ADGRL3: variants seen among roughly 807,000 people sequenced by gnomAD.
ADGRL3 encodes adhesion G protein-coupled receptor L3, also known as calcium-independent alpha-latrotoxin receptor 3.
ADGRL3 carries 62 observed loss-of-function variants against 153.5 expected under a neutral mutation model. That is an observed-to-expected ratio of 0.40 (90% CI 0.33 to 0.50). The LOEUF (loss-of-function observed/expected upper bound fraction) is 0.50. Among genes scored for constraint, ADGRL3 ranks in the 20% least tolerant of loss-of-function variants. ADGRL3 has a pLI of 0.47. For missense variants in ADGRL3, 1,641 were observed against 1,859.4 expected (o/e 0.88, Z 2.16); for synonymous variants, 710 against 672.5 (o/e 1.06, Z -0.86).
At chr4:61,753,503 A>G (rs1456898893) in intron 8 of ADGRL3, among the ~76,000 whole-genome samples, 2 of 152,178 alleles carry the variant, frequency 1.3e-5, no homozygotes, top group African/African-American at 4.8e-5. Context: ...ATTCCTAACA[A>G]GAACCTGAGC....
intron 1 of ADGRL3, among the ~76,000 whole-genome samples, chr4:61,217,523 T>C (rs1165626726): frequency 6.6e-6 from 1 of 152,208 alleles, no homozygotes; most frequent in Non-Finnish European, 1.5e-5. Flanking sequence ...GTTTTCCTTT[T>C]ACAGAGAAAG....
At chr4:61,358,255 T>A (rs2096214312) in intron 1 of ADGRL3, among the ~76,000 whole-genome samples, 1 of 152,164 alleles carries the variant, frequency 6.6e-6, no homozygotes, top group Admixed American at 6.5e-5. Context: ...GTAAGTTGTA[T>A]CATGTTATTT....
At chr4:61,940,006 T>C (rs1206936583) in intron 15 of ADGRL3, among the ~76,000 whole-genome samples, 5 of 148,324 alleles carry the variant, frequency 3.4e-5, no homozygotes, top group Non-Finnish European at 7.4e-5. Context: ...TGTATACATG[T>C]GCCATGCTGG....
chr4:61,858,602 C>T (rs1299646453), intron 9 of ADGRL3, among the ~76,000 whole-genome samples: 1 of 152,180 alleles, frequency 6.6e-6, no homozygotes, highest in Non-Finnish European at 1.5e-5. Flanking sequence ...TCCTGGGACA[C>T]AGATGGAGAC....
At chr4:61,432,654 CTTT>C (rs375176904) in intron 2 of ADGRL3, among the ~76,000 whole-genome samples, 2 of 19,698 alleles carry the variant, frequency 1.0e-4, no homozygotes, top group African/African-American at 1.9e-4. Context: ...TTCTTTCTTT[CTTT>C]TTTTTTTTTT....
chr4:61,352,684 C>T (rs2096074176), intron 1 of ADGRL3, among the ~76,000 whole-genome samples: 1 of 152,102 alleles, frequency 6.6e-6, no homozygotes, highest in East Asian at 1.9e-4. Flanking sequence ...TGTGCCCGGC[C>T]AAAACATAAC....
At chr4:61,629,099 T>C (rs1169663214) in intron 5 of ADGRL3, among the ~76,000 whole-genome samples, 1 of 152,126 alleles carries the variant, frequency 6.6e-6, no homozygotes, top group Non-Finnish European at 1.5e-5. Flanking sequence ...GGGTGAGAAT[T>C]AGTGAAATTT....
At chr4:61,777,290 G>A (rs1038975412) in intron 8 of ADGRL3, among the ~76,000 whole-genome samples, 17 of 151,514 alleles carry the variant, frequency 1.1e-4, no homozygotes, top group African/African-American at 2.7e-4. Flanking sequence ...CAGAGATCGC[G>A]CCACTGCACT....
At chr4:61,647,984 G>GTTTTACCTA (rs1447233221) in intron 5 of ADGRL3, among the ~76,000 whole-genome samples, 1 of 152,030 alleles carries the variant, frequency 6.6e-6, no homozygotes, top group Non-Finnish European at 1.5e-5. Context: ...GTGGGAAGAC[G>GTTTTACCTA]TTTTACCTAT....
At chr4:61,930,929 A>C (rs1292977912) in intron 13 of ADGRL3, among the ~76,000 whole-genome samples, 1 of 152,190 alleles carries the variant, frequency 6.6e-6, no homozygotes, top group African/African-American at 2.4e-5. Flanking sequence ...TTGTGACCAG[A>C]TGTCATAGTG....
At chr4:61,638,989 G>T (rs2093550147) in intron 5 of ADGRL3, among the ~76,000 whole-genome samples, 1 of 152,048 alleles carries the variant, frequency 6.6e-6, no homozygotes, top group Admixed American at 6.6e-5. Flanking sequence ...TGTAAGGCTT[G>T]GTGGCCTTTT....
At chr4:61,669,818 T>C (rs542143169) in intron 5 of ADGRL3, among the ~76,000 whole-genome samples, 2 of 152,312 alleles carry the variant, frequency 1.3e-5, no homozygotes, top group African/African-American at 4.8e-5. Context: ...AAAAAGTCAG[T>C]GCTTTTCAGT....
intron 4 of ADGRL3, among the ~76,000 whole-genome samples, chr4:61,529,141 A>C (rs1356520373): frequency 2.0e-5 from 3 of 152,124 alleles, no homozygotes; most frequent in Admixed American, 1.3e-4. Flanking sequence ...TGACAGTCTT[A>C]CTTGTTCCAT....
intron 5 of ADGRL3, among the ~76,000 whole-genome samples, chr4:61,653,541 A>T (rs939431411): frequency 1.3e-5 from 2 of 152,128 alleles, no homozygotes; most frequent in African/African-American, 4.8e-5. Context: ...TCCAGGGTTT[A>T]ACTAGCTTTG....
chr4:61,948,159 G>A lies in ADGRL3; in HGVS notation c.2688G>A (p.Met896Ile). Reference protein sequence around the residue: ...CSFWSYSKRTMTGYWSTQGCR... With the variant: ...CSFWSYSKRTITGYWSTQGCR... ...TTTGGAGCTACTCCAAGCGTACAAT[G>A]ACAGGTTATTGGTCAACACAAGGCT... is the stretch of plus-strand genomic sequence containing the variant. The change falls in exon 17 of 27, where the codon ATG becomes ATA. Residue 896 changes from methionine to isoleucine, a missense_variant. Transcript: ENST00000683033. 1 of 1,613,636 alleles carries A rather than the reference G, an allele frequency of 6.2e-7. No individual in the cohort carries two copies. Among genetic ancestry groups the A allele is most frequent in the Non-Finnish European group, 8.5e-7 (1 of 1,179,796 alleles).
chr4:62,003,576 T>C (rs2099147811), intron 21 of ADGRL3, among the ~76,000 whole-genome samples: 2 of 152,138 alleles, frequency 1.3e-5, no homozygotes, highest in South Asian at 2.1e-4. Context: ...AAATCACATA[T>C]GTAAAGAATA....
chr4:61,274,387 T>C (rs1382209083), intron 1 of ADGRL3, among the ~76,000 whole-genome samples: 3 of 152,180 alleles, frequency 2.0e-5, no homozygotes, highest in Non-Finnish European at 4.4e-5. Flanking sequence ...AGAAGAAATA[T>C]GTTATGAGCT....
At chr4:61,820,037 G>A (rs2097733311) in intron 9 of ADGRL3, among the ~76,000 whole-genome samples, 1 of 151,790 alleles carries the variant, frequency 6.6e-6, no homozygotes, top group African/African-American at 2.4e-5. Context: ...CATATTTTTA[G>A]GGAAAAAGTA....
chr4:62,024,929 C>CAAAA (rs34456988), intron 21 of ADGRL3, among the ~76,000 whole-genome samples: 1 of 118,432 alleles, frequency 8.4e-6, no homozygotes, highest in African/African-American at 3.3e-5. Context: ...GACTCCGTCT[C>CAAAA]AAAAAAAAAA....
Sources: allele counts gnomAD v4.1 joint callset (sites outside exome capture counted in the v4.1 genomes callset), GRCh38; gene constraint gnomAD v4.1.1; transcripts MANE v1.5; gene names NCBI Gene and HGNC (gene_info 2026-07-23, HGNC 2026-07-21).